KCNT2: variants seen among roughly 807,000 people sequenced by gnomAD.
KCNT2 encodes the protein potassium sodium-activated channel subfamily T member 2.
In KCNT2, 67 loss-of-function variants were observed where a neutral mutation model predicts 153.8. That is an observed-to-expected ratio of 0.44 (90% CI 0.36 to 0.53). The LOEUF is 0.53. KCNT2 is among the 20% of genes least tolerant of loss of function. The pLI, the probability that KCNT2 is intolerant of heterozygous loss-of-function variation, is 0.00. For missense variants in KCNT2, 975 were observed against 1,354.8 expected (o/e 0.72, Z 4.40); for synonymous variants, 500 against 458.8 (o/e 1.09, Z -1.15).
chr1:196,556,444 T>C (rs956070409), intron 1 of KCNT2, among the ~76,000 whole-genome samples: 11 of 151,432 alleles, frequency 7.3e-5, no homozygotes, highest in African/African-American at 2.7e-4. Context: ...AAAACTGTAA[T>C]GAGATAACCT....
At chr1:196,236,130 T>C (rs1654415736) in intron 26 of KCNT2, 60 bp from the exon 27 acceptor site, 1 of 895,794 alleles carries the variant, frequency 1.1e-6, no homozygotes, top group African/African-American at 1.6e-5. Flanking sequence ...CAGGAATTAC[T>C]AGTGAACAGC....
At chr1:196,312,486 G>A (rs1211555363) in intron 21 of KCNT2, among the ~76,000 whole-genome samples, 4 of 151,694 alleles carry the variant, frequency 2.6e-5, no homozygotes, top group African/African-American at 9.7e-5. Flanking sequence ...GCCTGTCTAG[G>A]TCGTTCTAGG....
chr1:196,545,569 T>C (rs1332523820), intron 1 of KCNT2, among the ~76,000 whole-genome samples: 1 of 152,156 alleles, frequency 6.6e-6, no homozygotes, highest in South Asian at 2.1e-4. Flanking sequence ...ATAATTTATA[T>C]AGCATACAAT....
intron 12 of KCNT2, among the ~76,000 whole-genome samples, chr1:196,405,860 A>G (rs1671786599): frequency 6.6e-6 from 1 of 151,564 alleles, no homozygotes; most frequent in Non-Finnish European, 1.5e-5. Context: ...ATGTAGATAG[A>G]TTTGCCCAAA....
intron 7 of KCNT2, 75 bp downstream of exon 7, chr1:196,467,628 C>A: frequency 1.1e-6 from 1 of 931,600 alleles, no homozygotes; most frequent in East Asian, 2.6e-5. Context: ...TTCTCTCTCT[C>A]TGTTTAATCT....
intron 19 of KCNT2, among the ~76,000 whole-genome samples, chr1:196,322,921 T>C (rs994000280): frequency 2.0e-5 from 3 of 152,040 alleles, no homozygotes; most frequent in South Asian, 2.1e-4. Flanking sequence ...GTTTGAATAG[T>C]GACAGTGTTA....
intron 22 of KCNT2, among the ~76,000 whole-genome samples, chr1:196,295,179 T>C (rs2147936207): frequency 6.6e-6 from 1 of 151,668 alleles, no homozygotes; most frequent in Non-Finnish European, 1.5e-5. Context: ...AATGTCACAC[T>C]GTACCCAATT....
chr1:196,575,816 A>C (rs1378465437), intron 1 of KCNT2, among the ~76,000 whole-genome samples: 1 of 151,512 alleles, frequency 6.6e-6, no homozygotes, highest in African/African-American at 2.4e-5. Flanking sequence ...GGTCTCTACT[A>C]AAAATACAAA....
At chr1:196,586,511 AT>A (rs1197107490) in intron 1 of KCNT2, among the ~76,000 whole-genome samples, 1 of 152,108 alleles carries the variant, frequency 6.6e-6, no homozygotes, top group Non-Finnish European at 1.5e-5. Flanking sequence ...AATAATAAGA[AT>A]TCTTACCTGT....
chr1:196,306,263 TC>T (rs2147982995), intron 21 of KCNT2, among the ~76,000 whole-genome samples: 1 of 152,252 alleles, frequency 6.6e-6, no homozygotes, highest in East Asian at 1.9e-4. Flanking sequence ...GTTGAACTCA[TC>T]CCTTGAACTC....
intron 1 of KCNT2, among the ~76,000 whole-genome samples, chr1:196,512,006 A>C (rs923387899): frequency 5.3e-5 from 8 of 152,080 alleles, no homozygotes; most frequent in African/African-American, 1.9e-4. Context: ...TTCTTTAACC[A>C]ATTCCACCTC....
chr1:196,590,026 C>T (rs1663155683), intron 1 of KCNT2, among the ~76,000 whole-genome samples: 1 of 152,046 alleles, frequency 6.6e-6, no homozygotes, highest in African/African-American at 2.4e-5. Flanking sequence ...TTTAGCTACA[C>T]TAAAAGCCAC....
At chr1:196,575,924 G>A (rs1038482907) in intron 1 of KCNT2, among the ~76,000 whole-genome samples, 3 of 148,168 alleles carry the variant, frequency 2.0e-5, no homozygotes, top group African/African-American at 7.5e-5. Context: ...GTTGCAGTGA[G>A]CCATGGTCAT....
chr1:196,238,238 C>T (rs571988662), intron 26 of KCNT2, among the ~76,000 whole-genome samples: 3 of 151,832 alleles, frequency 2.0e-5, no homozygotes, highest in Non-Finnish European at 4.4e-5. Context: ...CAAATTCTAT[C>T]GGTGACCTGG....
intron 26 of KCNT2, among the ~76,000 whole-genome samples, chr1:196,253,132 G>A (rs61820877): frequency 6.6e-6 from 1 of 151,234 alleles, no homozygotes; most frequent in Non-Finnish European, 1.5e-5. Flanking sequence ...TTTGGCCATT[G>A]TTTCTTCAAA....
At chr1:196,603,187 A>G (rs1664949887) in intron 1 of KCNT2, among the ~76,000 whole-genome samples, 1 of 152,224 alleles carries the variant, frequency 6.6e-6, no homozygotes, top group South Asian at 2.1e-4. Flanking sequence ...TAAGAAACAC[A>G]GGATTGTCTA....
intron 1 of KCNT2, chr1:196,582,469 A>G (rs1346256264): frequency 6.5e-6 from 1 of 154,332 alleles, no homozygotes; most frequent in Non-Finnish European, 1.5e-5. Flanking sequence ...AGGTGTTCAA[A>G]TTAGGCACTG....
In KCNT2 at chr1:196,390,908, TAA is replaced by T. The variant is rs1553310685; in HGVS notation, c.1294+7653_1294+7654del. On this transcript the variant is annotated intron_variant, in intron 13 of 27. Transcript: ENST00000294725. Reference sequence around the variant, plus strand: ...ATTCATTCTTTTTTTTTTTTTTTTTTAAAAAAAAACATATGTTAGGAGACTCT... The same window carrying T: ...ATTCATTCTTTTTTTTTTTTTTTTTTAAAAAAACATATGTTAGGAGACTCT... Among the ~76,000 whole-genome samples the T allele has an allele frequency of 1.9e-3, 277 of 142,888 alleles. 2 individuals are homozygous for T. Among genetic ancestry groups the T allele is most frequent in the African/African-American group, 3.8e-3 (148 of 38,500 alleles). 93.7% of individuals were successfully genotyped at this position (142,888 alleles called of 152,430 possible). A position where few individuals can be genotyped will look rare whatever the true frequency, so the allele number is the denominator to read the frequency against.
At chr1:196,333,688 C>T (rs1664712379) in intron 17 of KCNT2, among the ~76,000 whole-genome samples, 159 bp downstream of exon 17, 1 of 151,954 alleles carries the variant, frequency 6.6e-6, no homozygotes, top group Non-Finnish European at 1.5e-5. Flanking sequence ...ATACTGGCTA[C>T]TAGCAGTGCG....
Sources: gnomAD v4.1 joint callset for allele counts (sites outside exome capture counted in the v4.1 genomes callset) on GRCh38, gnomAD v4.1.1 for gene constraint, MANE v1.5 for transcripts, NCBI Gene and HGNC (gene_info 2026-07-23, HGNC 2026-07-21) for gene names.